Variants in OR10R2 observed in about 807,000 individuals in gnomAD.
OR10R2 encodes olfactory receptor family 10 subfamily R member 2, also known as olfactory receptor 10R2.
OR10R2 carries 1 observed loss-of-function variant against 2.4 expected under a neutral mutation model. The ratio of observed to expected loss-of-function variants is 0.41; its 90% CI spans 0.15 to 1.95. The LOEUF (loss-of-function observed/expected upper bound fraction) is 1.95, where lower values mean the gene tolerates loss of function less well. Among genes scored for constraint, OR10R2 ranks in the 30% most tolerant of loss-of-function variants. The pLI is 0.30. For missense variants in OR10R2, 419 were observed against 373.0 expected, an observed-to-expected ratio of 1.12 and a Z score of -1.01; for synonymous variants, 166 against 144.8, an observed-to-expected ratio of 1.15 and a Z score of -1.05.
exon 2 of OR10R2, chr1:158,480,744 C>T (rs1036806870): frequency 6.2e-7 from 1 of 1,613,446 alleles, no homozygotes; most frequent in Non-Finnish European, 8.5e-7. Context: ...ATGTGTCCAA[C>T]AAAGACAGGC....
chr1:158,476,691 T>TG (rs1656278844), intron 1 of OR10R2, among the ~76,000 whole-genome samples: 1 of 152,182 alleles, frequency 6.6e-6, no homozygotes, highest in African/African-American at 2.4e-5. Context: ...TGTGAGCACT[T>TG]GGATAGTCAT....
exon 2 of OR10R2, chr1:158,480,640 C>T (rs145324354): frequency 7.5e-5 from 121 of 1,613,684 alleles, no homozygotes; most frequent in South Asian, 1.8e-4. Flanking sequence ...TGAGGGCAGA[C>T]GGAAAGCGTT....
At chr1:158,474,717 A>G (rs1230875902) in intron 1 of OR10R2, 2 of 152,212 alleles carry the variant, frequency 1.3e-5, no homozygotes, top group Non-Finnish European at 2.9e-5. Flanking sequence ...GTATGCATGC[A>G]CACATACACA....
At chr1:158,473,781 T>TC (rs1656209100) in intron 1 of OR10R2, among the ~76,000 whole-genome samples, 1 of 120,282 alleles carries the variant, frequency 8.3e-6, no homozygotes, top group Non-Finnish European at 1.7e-5. Context: ...CCTTCCTCCC[T>TC]CCTTCCCTCT....
At chr1:158,474,956 A>G (rs572888657) in intron 1 of OR10R2, among the ~76,000 whole-genome samples, 2 of 152,298 alleles carry the variant, frequency 1.3e-5, no homozygotes, top group East Asian at 1.9e-4. Context: ...AATTAATAAT[A>G]GTTAAGAAAA....
chr1:158,473,478 AG>A (rs1470325566), intron 1 of OR10R2, among the ~76,000 whole-genome samples: 1 of 152,226 alleles, frequency 6.6e-6, no homozygotes, highest in Admixed American at 6.5e-5. Context: ...TACAATAAAT[AG>A]TTTTTAAATT....
intron 1 of OR10R2, 162 bp from the exon 2 acceptor site, chr1:158,479,776 A>G (rs1250198767): frequency 1.5e-6 from 1 of 682,312 alleles, no homozygotes; most frequent in African/African-American, 1.8e-5. Flanking sequence ...ATGGAAGAAG[A>G]GGACCATGAA....
At chr1:158,475,544 A>G (rs867124911) in intron 1 of OR10R2, among the ~76,000 whole-genome samples, 3 of 151,808 alleles carry the variant, frequency 2.0e-5, no homozygotes, top group Non-Finnish European at 2.9e-5. Context: ...TTCTATTTCT[A>G]TTTTATAAAC....
chr1:158,474,562 G>T (rs543202389), intron 1 of OR10R2: 5 of 152,254 alleles, frequency 3.3e-5, no homozygotes, highest in Admixed American at 3.3e-4. Flanking sequence ...TACCAGACAG[G>T]GGTTACAGGG....
chr1:158,477,957 C>T (rs1464966979), intron 1 of OR10R2, among the ~76,000 whole-genome samples: 1 of 152,058 alleles, frequency 6.6e-6, no homozygotes, highest in Non-Finnish European at 1.5e-5. Flanking sequence ...CAAATACAGA[C>T]ACATAGACCA....
intron 1 of OR10R2, among the ~76,000 whole-genome samples, chr1:158,477,942 T>C (rs1192780241): frequency 2.0e-5 from 3 of 152,202 alleles, no homozygotes; most frequent in Non-Finnish European, 4.4e-5. Flanking sequence ...AGCATGGTTC[T>C]GGTGCAAATA....
chr1:158,480,801 G>A, exon 2 of OR10R2: 2 of 1,613,118 alleles, frequency 1.2e-6, no homozygotes, highest in Admixed American at 1.7e-5. Flanking sequence ...TAAACCCCAT[G>A]GTTTATAGCC....
At position 158,480,351 on chromosome 1, in the gene OR10R2, G is replaced by A. The variant is rs1239870567; in HGVS notation, c.441G>A (p.Trp147Ter). ...TGCATTACCCCACTCTTATGAGCTG[G>A]CAGGTGTGTGGAAAACTGGCAGCTG... The change falls in exon 2 of 2, where the codon TGG becomes TGA. Residue 147 changes from tryptophan (W) to a stop codon, truncating the protein, a stop_gained. Coordinates refer to ENST00000641067, the Ensembl canonical transcript of OR10R2. LOFTEE classifies it low-confidence loss of function (END_TRUNC). 1 of 1,614,090 alleles carries A rather than the reference G, an allele frequency of 6.2e-7. No homozygotes were observed. Among genetic ancestry groups the A allele is most frequent in the East Asian group, 2.2e-5 (1 of 44,878 alleles).
At chr1:158,474,447 A>G (rs1656233407) in intron 1 of OR10R2, 1 of 152,232 alleles carries the variant, frequency 6.6e-6, no homozygotes, top group Non-Finnish European at 1.5e-5. Context: ...GGAAAGGCAA[A>G]CAAAAATAAA....
chr1:158,473,365 T>C (rs1656199930), intron 1 of OR10R2, among the ~76,000 whole-genome samples: 1 of 152,248 alleles, frequency 6.6e-6, no homozygotes, highest in Non-Finnish European at 1.5e-5. Flanking sequence ...TGATCTAAAA[T>C]GTAAGAAGTC....
chr1:158,477,375 T>C (rs1656290010), intron 1 of OR10R2, among the ~76,000 whole-genome samples: 1 of 152,314 alleles, frequency 6.6e-6, no homozygotes, highest in South Asian at 2.1e-4. Flanking sequence ...GTCTCCATTG[T>C]TGATATTATT....
rs569721828 is a variant in OR10R2, at chr1:158,479,843, T to C, written c.28-95T>C. The C allele has an allele frequency of 3.7e-6, 5 of 1,335,902 alleles. No homozygotes were observed. In the Admixed American group the frequency reaches 6.1e-5, roughly 16 times the overall value. The allele number at this position is 1,335,902 out of a possible 1,614,324, so 82.8% of individuals were successfully genotyped here. On this transcript the variant is annotated intron_variant, in intron 1 of 1. Transcript: ENST00000641067. ...AAAAGGTGAATAAAAGGCAAGATTC[T>C]TCTTTGTCACCACCTGAAAGGAACA... is the stretch of plus-strand genomic sequence containing the variant.
chr1:158,479,927 C>T lies in OR10R2; in HGVS notation c.28-11C>T. 2 of 1,613,706 alleles carry T rather than the reference C, an allele frequency of 1.2e-6. No individual in the cohort carries two copies. Among genetic ancestry groups the T allele is most frequent in the Admixed American group, 1.7e-5 (1 of 60,000 alleles). ...TACCTGAATATGTTTTACTTCTTTC[C>T]CCCTTTGCAGATCTTGGCAGAAAAC... On this transcript the variant is annotated splice_polypyrimidine_tract_variant and intron_variant, in intron 1 of 1. Coordinates refer to ENST00000641067, the Ensembl canonical transcript of OR10R2.
chr1:158,479,609 A>C (rs1461563620), intron 1 of OR10R2, among the ~76,000 whole-genome samples: 1 of 152,198 alleles, frequency 6.6e-6, no homozygotes, highest in Non-Finnish European at 1.5e-5. Context: ...ATACAAGCTC[A>C]AGGAATTAAG....
Sources: gnomAD v4.1 joint callset for allele counts (sites outside exome capture counted in the v4.1 genomes callset) on GRCh38, gnomAD v4.1.1 for gene constraint, MANE v1.5 for transcripts, NCBI Gene and HGNC (gene_info 2026-07-23, HGNC 2026-07-21) for gene names.